PCDHGA4: variants seen among roughly 807,000 people sequenced by gnomAD.
PCDHGA4 encodes protocadherin gamma-A4.
In PCDHGA4, 38 loss-of-function variants were observed where a neutral mutation model predicts 54.6. That is an observed-to-expected ratio of 0.70 (90% CI 0.54 to 0.91). The LOEUF is 0.91. Ranked by LOEUF, PCDHGA4 falls within the 40% of genes least tolerant of loss-of-function variation. The probability of loss-of-function intolerance (pLI) is 0.00; values close to 1 mark genes in which losing one functional copy is unlikely to be tolerated. For missense variants in PCDHGA4, 1,298 were observed against 1,220.9 expected, an observed-to-expected ratio of 1.06 and a Z score of -0.94; for synonymous variants, 511 against 512.9, an observed-to-expected ratio of 1.00 and a Z score of 0.05.
At chr5:141,375,244 G>A (rs527726605) in intron 1 of PCDHGA4, 1 of 1,613,890 alleles carries the variant, frequency 6.2e-7, no homozygotes, top group Admixed American at 1.7e-5. Context: ...GTTCCATCCC[G>A]AGAAGTCTCC....
At chr5:141,366,750 A>T (rs530762959) in intron 1 of PCDHGA4, 92 of 1,607,760 alleles carry the variant, frequency 5.7e-5, no homozygotes, top group Non-Finnish European at 7.1e-5. Flanking sequence ...CGGCGAGTTC[A>T]GGTTAGTTTT....
chr5:141,408,211 G>A (rs1285774248), intron 1 of PCDHGA4: 1 of 1,554,426 alleles, frequency 6.4e-7, no homozygotes, highest in South Asian at 1.2e-5. Flanking sequence ...CGATGGGAGG[G>A]AGCTGCGCGC....
At chr5:141,481,282 T>C (rs2099534931) in intron 1 of PCDHGA4, among the ~76,000 whole-genome samples, 1 of 152,148 alleles carries the variant, frequency 6.6e-6, no homozygotes, top group African/African-American at 2.4e-5. Flanking sequence ...CATAAAATGG[T>C]ATTTCAGTCA....
chr5:141,414,087 A>G (rs377653676), intron 1 of PCDHGA4: 31 of 1,599,656 alleles, frequency 1.9e-5, no homozygotes, highest in Middle Eastern at 3.3e-4. Context: ...ATACTGGAGA[A>G]ATAAAAATAT....
chr5:141,507,849 C>CA (rs2099864208), intron 3 of PCDHGA4, among the ~76,000 whole-genome samples: 1 of 152,222 alleles, frequency 6.6e-6, no homozygotes, highest in African/African-American at 2.4e-5. Flanking sequence ...GCCCTGCTCT[C>CA]ACTTTCACAC....
At chr5:141,391,397 C>T (rs1341257748) in intron 1 of PCDHGA4, 1 of 151,598 alleles carries the variant, frequency 6.6e-6, no homozygotes, top group African/African-American at 2.4e-5. Flanking sequence ...CCTCCAGCCT[C>T]AAACTCCTGG....
chr5:141,356,602 G>A lies in PCDHGA4; in HGVS notation c.1495G>A (p.Gly499Arg). 2 of 1,614,142 alleles carry A rather than the reference G, an allele frequency of 1.2e-6. No individual in the cohort carries two copies. The highest frequency in any genetic ancestry group is 1.7e-6 in the Non-Finnish European group (2 of 1,180,038). ...SAYIPENNPR[G>R]ASILSMTAQD... Reference sequence around the variant, plus strand: ...TTACATTCCTGAAAACAACCCCAGAGGAGCCTCCATCTTATCTATGACTGC... The same window carrying A: ...TTACATTCCTGAAAACAACCCCAGAAGAGCCTCCATCTTATCTATGACTGC... Residue 499 changes from glycine to arginine, a missense_variant, in exon 1 of 4, where the codon GGA becomes AGA. Transcript: ENST00000571252.
At chr5:141,427,484 T>C (rs766997973) in intron 1 of PCDHGA4, 7 of 539,726 alleles carry the variant, frequency 1.3e-5, no homozygotes, top group Non-Finnish European at 2.5e-5. Context: ...ATAATGACTA[T>C]AAGCTTGTAA....
chr5:141,396,538 T>C (rs1352031358), intron 1 of PCDHGA4: 1 of 151,514 alleles, frequency 6.6e-6, no homozygotes, highest in Non-Finnish European at 1.5e-5. Flanking sequence ...AAGAATCACT[T>C]GAACCCGGGA....
intron 1 of PCDHGA4, among the ~76,000 whole-genome samples, chr5:141,425,769 A>C (rs1355689852): frequency 6.6e-6 from 1 of 152,256 alleles, no homozygotes; most frequent in Non-Finnish European, 1.5e-5. Flanking sequence ...ACAGGAGAGA[A>C]GACTTTGCCT....
chr5:141,368,929 T>C (rs1183733565), intron 1 of PCDHGA4, among the ~76,000 whole-genome samples: 1 of 152,228 alleles, frequency 6.6e-6, no homozygotes, highest in Non-Finnish European at 1.5e-5. Context: ...AGTGTCTGTC[T>C]AGAATTCTGG....
At position 141,362,530 on chromosome 5, in the gene PCDHGA4, C is replaced by T. The variant is rs769795967; in HGVS notation, c.2514+4909C>T. 70 of 1,613,818 alleles carry T rather than the reference C, an allele frequency of 4.3e-5. 1 individual carries two copies. The highest frequency in any genetic ancestry group is 8.3e-5 in the Admixed American group (5 of 59,998). Reference sequence around the variant, plus strand: ...TACAAATCATGGAGCCGCTGGGGTCCCTTTTGCCTCAGATACTATTTTGAA... The same window carrying T: ...TACAAATCATGGAGCCGCTGGGGTCTCTTTTGCCTCAGATACTATTTTGAA... On this transcript the variant is annotated intron_variant, in intron 1 of 3. Coordinates refer to ENST00000571252, the MANE Select transcript of PCDHGA4 (RefSeq NM_018917.4).
chr5:141,371,540 C>A, intron 1 of PCDHGA4: 1 of 1,613,728 alleles, frequency 6.2e-7, no homozygotes, highest in Non-Finnish European at 8.5e-7. Flanking sequence ...ATGGAGAAAT[C>A]CTATGCCAAC....
chr5:141,364,757 A>G, intron 1 of PCDHGA4: 4 of 1,613,960 alleles, frequency 2.5e-6, no homozygotes, highest in Non-Finnish European at 3.4e-6. Flanking sequence ...AGTAAAAGTT[A>G]ATGAAAATGC....
intron 1 of PCDHGA4, chr5:141,360,700 C>G (rs532971055): frequency 6.2e-7 from 1 of 1,613,916 alleles, no homozygotes; most frequent in East Asian, 2.2e-5. Flanking sequence ...TCCAGATGGT[C>G]GTAAATATCC....
At chr5:141,394,989 C>T in intron 1 of PCDHGA4, 1 of 1,614,030 alleles carries the variant, frequency 6.2e-7, no homozygotes. Flanking sequence ...ACGCCTGCTC[C>T]AGGATTCCGG....
At chr5:141,439,190 CAA>C (rs200519543) in intron 1 of PCDHGA4, among the ~76,000 whole-genome samples, 3 of 111,702 alleles carry the variant, frequency 2.7e-5, no homozygotes, top group Non-Finnish European at 4.0e-5. Flanking sequence ...GAGACTCTGA[CAA>C]AAAAAAAAAA....
At chr5:141,419,504 C>A in intron 1 of PCDHGA4, 1 of 1,612,298 alleles carries the variant, frequency 6.2e-7, no homozygotes, top group Non-Finnish European at 8.5e-7. Flanking sequence ...TGTGAGCCTG[C>A]GCGTGTTGGT....
chr5:141,408,345 G>A (rs370026579), intron 1 of PCDHGA4: 3 of 1,613,812 alleles, frequency 1.9e-6, no homozygotes, highest in Non-Finnish European at 2.5e-6. Context: ...TCGGTGGTGG[G>A]GAACCTCGCT....
Sources: allele counts gnomAD v4.1 joint callset (sites outside exome capture counted in the v4.1 genomes callset), GRCh38; gene constraint gnomAD v4.1.1; transcripts MANE v1.5; gene names NCBI Gene and HGNC (gene_info 2026-07-23, HGNC 2026-07-21).